SDCCAG8: variants seen among roughly 807,000 people sequenced by gnomAD.
The protein encoded by SDCCAG8 is serologically defined colon cancer antigen 8.
Under a neutral mutation model 101.8 loss-of-function variants are expected in SDCCAG8, and 74 were observed. That is an observed-to-expected ratio of 0.73 (90% CI 0.60 to 0.88). The LOEUF is 0.88. Among genes scored for constraint, SDCCAG8 ranks in the 40% least tolerant of loss-of-function variants. SDCCAG8 has a pLI of 0.00. For synonymous variants in SDCCAG8, 281 were observed against 292.9 expected (o/e 0.96, Z 0.41); for missense variants, 787 against 822.6 (o/e 0.96, Z 0.53).
At chr1:243,319,969 T>C (rs1355818407) in intron 9 of SDCCAG8, among the ~76,000 whole-genome samples, 1 of 152,070 alleles carries the variant, frequency 6.6e-6, no homozygotes, top group Non-Finnish European at 1.5e-5. Context: ...TCTTTCTTTT[T>C]ATCTCTCATT....
intron 1 of SDCCAG8, among the ~76,000 whole-genome samples, chr1:243,258,247 G>C (rs1363438968): frequency 6.6e-6 from 1 of 152,046 alleles, no homozygotes; most frequent in Non-Finnish European, 1.5e-5. Context: ...AACCTGAAAT[G>C]TTTATGGGTT....
chr1:243,290,183 C>A (rs911117779), intron 5 of SDCCAG8, among the ~76,000 whole-genome samples: 1 of 150,570 alleles, frequency 6.6e-6, no homozygotes, highest in Non-Finnish European at 1.5e-5. Flanking sequence ...TTGTTTTCAT[C>A]CCCTGTCTTA....
intron 16 of SDCCAG8, among the ~76,000 whole-genome samples, chr1:243,438,069 T>A (rs923813549): frequency 6.6e-6 from 1 of 152,024 alleles, no homozygotes; most frequent in African/African-American, 2.4e-5. Context: ...TATGAAAAAA[T>A]AGTCTAGTCA....
At chr1:243,492,772 T>TG (rs1202144893) in intron 17 of SDCCAG8, among the ~76,000 whole-genome samples, 2 of 151,698 alleles carry the variant, frequency 1.3e-5, no homozygotes, top group Non-Finnish European at 2.9e-5. Context: ...CACGCCTGGC[T>TG]AATTTTGTAT....
chr1:243,370,052 T>C lies in SDCCAG8; in HGVS notation c.1474-8669T>C, dbSNP rs1307354565. Among the ~76,000 whole-genome samples, 3 of 152,112 alleles carry C rather than the reference T, an allele frequency of 2.0e-5. No homozygotes were observed. The East Asian group carries it at 5.8e-4, about 29-fold the overall frequency. ...TAACAACTCTTTTGCAATGCATCGT[T>C]TGAAAAATGTTTCACCTCTCTTTTA... is the stretch of plus-strand genomic sequence containing the variant. On this transcript the variant is annotated intron_variant, in intron 12 of 17. Coordinates refer to ENST00000366541, the MANE Select transcript of SDCCAG8 (RefSeq NM_006642.5).
At chr1:243,299,605 G>A (rs576466081) in intron 6 of SDCCAG8, among the ~76,000 whole-genome samples, 9 of 152,110 alleles carry the variant, frequency 5.9e-5, no homozygotes, top group South Asian at 4.2e-4. Flanking sequence ...GTAGAGACGG[G>A]GTTTCATCAT....
At chr1:243,274,090 T>C (rs1281550957) in intron 3 of SDCCAG8, among the ~76,000 whole-genome samples, 2 of 152,190 alleles carry the variant, frequency 1.3e-5, no homozygotes, top group African/African-American at 2.4e-5. Context: ...GGAAGTGTGA[T>C]ACTGGCATCT....
In SDCCAG8 at chr1:243,351,006, A is replaced by G. The variant is rs896073580; in HGVS notation, c.1473+6675A>G. Among the ~76,000 whole-genome samples, 6 of 152,206 alleles carry G rather than the reference A, an allele frequency of 3.9e-5. No individual in the cohort carries two copies. In the South Asian group the frequency reaches 8.3e-4, roughly 21 times the overall value. On this transcript the variant is annotated intron_variant, in intron 12 of 17. Coordinates refer to ENST00000366541, the MANE Select transcript of SDCCAG8 (RefSeq NM_006642.5). ...TTAAAGTAAAATCCTGTTCCGTTCT[A>G]TTCTCTGCTTTGTGTCTTTAAAGCT...
chr1:243,330,646 T>C lies in SDCCAG8; in HGVS notation c.1175T>C (p.Met392Thr), dbSNP rs1041307493. Residue 392 changes from methionine to threonine, a missense_variant, in exon 10 of 18, where the codon ATG becomes ACG. Physicochemically the swap from Met to Thr is moderately conservative, Grantham distance 81 (BLOSUM62 -1). Transcript: ENST00000366541. ...QQEKRAIEKD[M>T]MKKEITKERE... ...GAGAAAAGGGCCATTGAGAAAGACATGATGAAAAAGGAAATAACGAAAGAA... is the reference window on the plus strand; with the variant it reads ...GAGAAAAGGGCCATTGAGAAAGACACGATGAAAAAGGAAATAACGAAAGAA... 6.2e-6 allele frequency: 10 copies of C among 1,613,200 alleles called. No homozygotes were observed. The highest frequency in any genetic ancestry group is 8.5e-6 in the Non-Finnish European group (10 of 1,179,614).
intron 14 of SDCCAG8, among the ~76,000 whole-genome samples, chr1:243,417,327 G>T (rs1461580694): frequency 1.3e-5 from 2 of 152,148 alleles, no homozygotes; most frequent in African/African-American, 4.8e-5. Context: ...TGTTAAAACC[G>T]CCTTAAGAAC....
At chr1:243,282,632 T>C (rs2149279625) in intron 4 of SDCCAG8, among the ~76,000 whole-genome samples, 1 of 152,346 alleles carries the variant, frequency 6.6e-6, no homozygotes, top group Non-Finnish European at 1.5e-5. Flanking sequence ...TTCTTGTTTG[T>C]CTAAGAAAAT....
At chr1:243,305,297 C>T (rs1342269830) in intron 7 of SDCCAG8, 1 of 149,110 alleles carries the variant, frequency 6.7e-6, no homozygotes, top group Non-Finnish European at 1.5e-5. Context: ...GAGTGAGACT[C>T]CATTTCAAAA....
intron 16 of SDCCAG8, among the ~76,000 whole-genome samples, chr1:243,455,015 G>A (rs11799609): frequency 6.6e-6 from 1 of 151,946 alleles, no homozygotes. Context: ...ATAACCAAAA[G>A]CAATATTAAT....
intron 14 of SDCCAG8, among the ~76,000 whole-genome samples, chr1:243,417,077 T>C (rs910941119): frequency 9.2e-5 from 14 of 152,220 alleles, no homozygotes; most frequent in African/African-American, 3.4e-4. Flanking sequence ...TATTTACTTA[T>C]GAAGAGGCAA....
At chr1:243,413,633 A>T (rs2080344738) in intron 13 of SDCCAG8, among the ~76,000 whole-genome samples, 1 of 152,118 alleles carries the variant, frequency 6.6e-6, no homozygotes, top group South Asian at 2.1e-4. Context: ...TGTGACTGTT[A>T]TCTTGGTATA....
intron 16 of SDCCAG8, among the ~76,000 whole-genome samples, chr1:243,475,445 C>G (rs1021165087): frequency 1.3e-5 from 2 of 152,098 alleles, no homozygotes; most frequent in African/African-American, 4.8e-5. Flanking sequence ...GGCCCCTGCT[C>G]CCCCTTCCCT....
chr1:243,285,702 G>A (rs1224340181), intron 4 of SDCCAG8, among the ~76,000 whole-genome samples: 3 of 152,094 alleles, frequency 2.0e-5, no homozygotes, highest in African/African-American at 7.2e-5. Flanking sequence ...GTTACATCCT[G>A]TAATTTTAAT....
intron 13 of SDCCAG8, among the ~76,000 whole-genome samples, chr1:243,395,774 G>C (rs1321868141): frequency 6.6e-6 from 1 of 152,000 alleles, no homozygotes; most frequent in East Asian, 1.9e-4. Flanking sequence ...TGTTTAATCA[G>C]TCAGAACTTT....
intron 13 of SDCCAG8, 143 bp from the exon 14 acceptor site, chr1:243,415,559 T>G: frequency 9.4e-7 from 1 of 1,064,506 alleles, no homozygotes; most frequent in Non-Finnish European, 1.4e-6. Flanking sequence ...CCCCCTAAAG[T>G]GGGGGAGGGT....
Sources: allele counts gnomAD v4.1 joint callset (sites outside exome capture counted in the v4.1 genomes callset), GRCh38; gene constraint gnomAD v4.1.1; transcripts MANE v1.5; gene names NCBI Gene and HGNC (gene_info 2026-07-23, HGNC 2026-07-21).